NUTF2: variants seen among roughly 807,000 people sequenced by gnomAD.
NUTF2 encodes placental protein 15.
A neutral mutation model predicts 18.5 loss-of-function variants in NUTF2; 3 were observed. That is an observed-to-expected ratio of 0.16 (90% confidence interval 0.07 to 0.42). The LOEUF (loss-of-function observed/expected upper bound fraction) is 0.42. Among genes scored for constraint, NUTF2 ranks in the 10% least tolerant of loss-of-function variants. NUTF2 has a pLI of 0.99. For missense variants in NUTF2, 44 were observed against 160.7 expected, an observed-to-expected ratio of 0.27 and a Z score of 3.93; for synonymous variants, 51 against 57.9, an observed-to-expected ratio of 0.88 and a Z score of 0.54.
At chr16:67,859,942 A>G (rs1333929585) in intron 1 of NUTF2, among the ~76,000 whole-genome samples, 1 of 151,068 alleles carries the variant, frequency 6.6e-6, no homozygotes, top group Non-Finnish European at 1.5e-5. Context: ...AGCTGGGATT[A>G]CAGGTGTACA....
chr16:67,864,509 CAAAAAAAAAAAAAA>C (rs572931294), intron 1 of NUTF2, among the ~76,000 whole-genome samples: 1 of 53,084 alleles, frequency 1.9e-5, no homozygotes, highest in Admixed American at 2.0e-4. Context: ...AACTCTGTCT[CAAAAAAAAAAAAAA>C]AAAAAAAAAA....
Position 67,865,220 on chromosome 16 carries a change from C to T in NUTF2, c.90C>T (p.Gly30=), listed in dbSNP as rs746153759. ...TTGATAATGATAGAACCCAACTAGG[C>T]GCAATTTACGTAAGTTTCCAGCTCT... ...QLFDNDRTQL[G]AIYIDASCLT... Residue 30 remains glycine (G), a synonymous_variant, in exon 2 of 5, where the codon GGC becomes GGT. Transcript: ENST00000219169. 1.3e-5 allele frequency: 21 copies of T among 1,609,960 alleles called. No individual in the cohort carries two copies. Among genetic ancestry groups the T allele is most frequent in the Non-Finnish European group, 1.5e-5 (18 of 1,176,528 alleles).
At chr16:67,867,333 A>G (rs1255468251) in intron 2 of NUTF2, among the ~76,000 whole-genome samples, 1 of 152,200 alleles carries the variant, frequency 6.6e-6, no homozygotes, top group African/African-American at 2.4e-5. Context: ...TAAAAGAACA[A>G]TTTATATTTA....
chr16:67,848,370 G>A (rs923057838), intron 1 of NUTF2, among the ~76,000 whole-genome samples: 1 of 152,166 alleles, frequency 6.6e-6, no homozygotes, highest in South Asian at 2.1e-4. Context: ...ATCACCTGAG[G>A]TCCGGGGTTC....
intron 2 of NUTF2, among the ~76,000 whole-genome samples, chr16:67,865,862 G>A (rs561101957): frequency 6.6e-6 from 1 of 151,968 alleles, no homozygotes; most frequent in Non-Finnish European, 1.5e-5. Context: ...GGGATTACAG[G>A]CGCCTGCCCC....
chr16:67,865,752 C>T (rs1338744555), intron 2 of NUTF2, among the ~76,000 whole-genome samples: 2 of 144,932 alleles, frequency 1.4e-5, no homozygotes, highest in African/African-American at 5.2e-5. Context: ...TGGAGTCTTG[C>T]TCTTTCGCCA....
At chr16:67,850,983 T>A (rs1185148483) in intron 1 of NUTF2, among the ~76,000 whole-genome samples, 1 of 150,552 alleles carries the variant, frequency 6.6e-6, no homozygotes, top group African/African-American at 2.5e-5. Flanking sequence ...GTATTCTTAG[T>A]AGAGATGGGG....
chr16:67,858,862 G>A (rs1205133750), intron 1 of NUTF2, among the ~76,000 whole-genome samples: 2 of 150,948 alleles, frequency 1.3e-5, no homozygotes, highest in African/African-American at 4.9e-5. Flanking sequence ...CTGCTGCTCT[G>A]CCTTCAGGAC....
Position 67,868,326 on chromosome 16 carries a change from T to C in NUTF2, c.100-14T>C. ...CTGAGGCCCCAACCCTGGGGTTTCC[T>C]GTGCCTTTTTCAGATTGACGCGTCA... On this transcript the variant is annotated splice_polypyrimidine_tract_variant and intron_variant, in intron 2 of 4. Coordinates refer to ENST00000219169, the MANE Select transcript of NUTF2 (RefSeq NM_005796.3). 2 of 1,612,732 alleles carry C rather than the reference T, an allele frequency of 1.2e-6. No individual in the cohort carries two copies. The highest frequency in any genetic ancestry group is 4.5e-5 in the East Asian group (2 of 44,842).
At chr16:67,859,776 G>A (rs370801446) in intron 1 of NUTF2, among the ~76,000 whole-genome samples, 2 of 149,764 alleles carry the variant, frequency 1.3e-5, no homozygotes, top group Admixed American at 1.3e-4. Context: ...AATTACAGGC[G>A]TGAGCCACTG....
At chr16:67,847,097 C>T (rs1031348899) in intron 1 of NUTF2, 112 bp downstream of exon 1, 4 of 150,176 alleles carry the variant, frequency 2.7e-5, no homozygotes, top group African/African-American at 9.7e-5. Flanking sequence ...CTCCCCCCCC[C>T]CCGGCGGCCC....
At chr16:67,853,398 C>A (rs1416197799) in intron 1 of NUTF2, among the ~76,000 whole-genome samples, 1 of 152,302 alleles carries the variant, frequency 6.6e-6, no homozygotes, top group African/African-American at 2.4e-5. Context: ...CACTCTGTCT[C>A]CCAGGCTGGA....
At chr16:67,850,495 C>T (rs1014317381) in intron 1 of NUTF2, among the ~76,000 whole-genome samples, 1 of 152,150 alleles carries the variant, frequency 6.6e-6, no homozygotes, top group East Asian at 1.9e-4. Context: ...CGTGAGCCAC[C>T]GCGCCTGGCC....
At chr16:67,857,328 C>T (rs1285180416) in intron 1 of NUTF2, among the ~76,000 whole-genome samples, 1 of 152,148 alleles carries the variant, frequency 6.6e-6, no homozygotes, top group East Asian at 1.9e-4. Context: ...AGCCCAGTGG[C>T]TCTAGAACCC....
At chr16:67,860,275 A>G (rs1182163715) in intron 1 of NUTF2, among the ~76,000 whole-genome samples, 1 of 152,052 alleles carries the variant, frequency 6.6e-6, no homozygotes, top group East Asian at 1.9e-4. Context: ...CATCATGCCC[A>G]GCCTTTTTGT....
chr16:67,865,115 CG>C lies in NUTF2; in HGVS notation c.-13del, dbSNP rs1567384252. ...TTGGTCTTGCAGGTCTCCGTGAGGC[CG>C]GGTGACGCTCCAGAATGGGAGACAA... On this transcript the variant is annotated 5_prime_UTR_variant, in exon 2 of 5. Coordinates refer to ENST00000219169, the MANE Select transcript of NUTF2 (RefSeq NM_005796.3). 6.3e-7 allele frequency: 1 copy of C among 1,590,958 alleles called. No individual in the cohort carries two copies. Among genetic ancestry groups the C allele is most frequent in the African/African-American group, 1.3e-5 (1 of 74,364 alleles).
chr16:67,855,612 CGAATGATTCCATCA>C (rs1428530768), intron 1 of NUTF2, among the ~76,000 whole-genome samples: 2 of 152,024 alleles, frequency 1.3e-5, no homozygotes, highest in Non-Finnish European at 2.9e-5. Flanking sequence ...CTTAAAGTCT[CGAATGATTCCATCA>C]GAGCCAGTGG....
chr16:67,851,427 G>A lies in NUTF2; in HGVS notation c.-30+4442G>A, dbSNP rs565146145. ...ACCAGGGAGGCGGACGTTGCAGTGAGCCAAGATTGTGCCACTGCACTGCAG... is the reference window on the plus strand; with the variant it reads ...ACCAGGGAGGCGGACGTTGCAGTGAACCAAGATTGTGCCACTGCACTGCAG... On this transcript the variant is annotated intron_variant, in intron 1 of 4. Transcript: ENST00000219169. Among the ~76,000 whole-genome samples, 6 of 151,992 alleles carry A rather than the reference G, an allele frequency of 3.9e-5. No homozygotes were observed. The South Asian group carries it at 1.2e-3, about 32-fold the overall frequency.
intron 1 of NUTF2, among the ~76,000 whole-genome samples, chr16:67,852,822 G>A (rs1257640533): frequency 1.3e-5 from 2 of 151,888 alleles, no homozygotes; most frequent in Non-Finnish European, 2.9e-5. Flanking sequence ...TGGGATTACA[G>A]GCATGTGCCA....
Sources: allele counts gnomAD v4.1 joint callset (sites outside exome capture counted in the v4.1 genomes callset), GRCh38; gene constraint gnomAD v4.1.1; transcripts MANE v1.5; gene names NCBI Gene and HGNC (gene_info 2026-07-23, HGNC 2026-07-21).